The following RBM44 variants were observed in gnomAD, a reference collection of about 807,000 sequenced individuals.
RBM44 encodes RNA binding motif protein 44, also known as RNA-binding protein 44.
Under a neutral mutation model 105.1 loss-of-function variants are expected in RBM44, and 66 were observed. The ratio of observed to expected loss-of-function variants is 0.63; its 90% CI spans 0.52 to 0.77. The LOEUF (loss-of-function observed/expected upper bound fraction) is 0.77. Ranked by LOEUF, RBM44 falls within the 30% of genes least tolerant of loss-of-function variation. The pLI, the probability that RBM44 is intolerant of heterozygous loss-of-function variation, is 0.00. For missense variants in RBM44, 1,122 were observed against 1,207.8 expected, an observed-to-expected ratio of 0.93 and a Z score of 1.05; for synonymous variants, 365 against 417.6, an observed-to-expected ratio of 0.87 and a Z score of 1.54.
intron 15 of RBM44, among the ~76,000 whole-genome samples, chr2:237,840,073 T>C (rs541354703): frequency 5.5e-4 from 83 of 150,588 alleles, no homozygotes; most frequent in African/African-American, 2.0e-3. Context: ...CCTATAGTCC[T>C]AGCTACTCAG....
chr2:237,838,915 T>C (rs1427461840), intron 15 of RBM44, among the ~76,000 whole-genome samples: 1 of 152,136 alleles, frequency 6.6e-6, no homozygotes, highest in Non-Finnish European at 1.5e-5. Context: ...GCCCAAGGAT[T>C]TTACTGGGGG....
At position 237,810,993 on chromosome 2, in the gene RBM44, T is replaced by A. The variant is rs535972930; in HGVS notation, c.-18-2599T>A. On this transcript the variant is annotated intron_variant, in intron 1 of 15. Transcript: ENST00000316997. ...CATTACTGTGGTGACCTTTGAACATTGTCTATAAAGTGGCCAGGGAAGGTT... is the reference window on the plus strand; with the variant it reads ...CATTACTGTGGTGACCTTTGAACATAGTCTATAAAGTGGCCAGGGAAGGTT... Among the ~76,000 whole-genome samples, 5 of 152,146 alleles carry A rather than the reference T, an allele frequency of 3.3e-5. No individual in the cohort carries two copies. The East Asian group carries it at 9.7e-4, about 29-fold the overall frequency.
Position 237,823,465 on chromosome 2 carries a change from A to G in RBM44, c.2231A>G (p.His744Arg), listed in dbSNP as rs768301314. The G allele has an allele frequency of 7.2e-6, 11 of 1,518,870 alleles. No homozygotes were observed. The highest frequency in any genetic ancestry group is 7.2e-6 in the Non-Finnish European group (8 of 1,117,660). 94.1% of individuals were successfully genotyped at this position (1,518,870 alleles called of 1,614,324 possible). A position where few individuals can be genotyped will look rare whatever the true frequency, so the allele number is the denominator to read the frequency against. The change falls in exon 9 of 16, where the codon CAT (histidine) becomes CGT (arginine). Residue 744 changes from histidine (H) to arginine (R), a missense_variant. This residue lies in a region of RBM44 where 918 missense variants were observed against 955.3 expected (regional missense o/e 0.96). Coordinates refer to ENST00000316997, the MANE Select transcript of RBM44 (RefSeq NM_001080504.3). ...SQMSLSSDNS[H>R]ATQNISPKKD... is the part of the protein sequence containing the mutation. The stretch of plus-strand genomic sequence containing the variant: ...ATGTCTTTATCATCTGACAATAGTC[A>G]TGCTACACAAAACATATCACCCAAG...
At chr2:237,828,669 T>C (rs1382681879) in intron 12 of RBM44, among the ~76,000 whole-genome samples, 2 of 152,162 alleles carry the variant, frequency 1.3e-5, no homozygotes, top group Non-Finnish European at 2.9e-5. Flanking sequence ...GATGATTTTA[T>C]AGGAATAGCT....
chr2:237,804,192 G>A (rs2061576066), intron 1 of RBM44, among the ~76,000 whole-genome samples: 1 of 152,098 alleles, frequency 6.6e-6, no homozygotes, highest in African/African-American at 2.4e-5. Context: ...TCTTTACCTG[G>A]TCTACTATTG....
chr2:237,826,756 G>A (rs1190583192), intron 10 of RBM44, among the ~76,000 whole-genome samples: 1 of 151,914 alleles, frequency 6.6e-6, no homozygotes, highest in Non-Finnish European at 1.5e-5. Context: ...CAGACTTTTT[G>A]GGAGGCTCAT....
rs772165880 is a variant in RBM44, at chr2:237,817,881, T to C, written c.962T>C (p.Val321Ala). 1.3e-6 allele frequency: 2 copies of C among 1,599,022 alleles called. No individual in the cohort carries two copies. The highest frequency in any genetic ancestry group is 2.3e-5 in the South Asian group (2 of 88,564). ...SKSGSLSPQKVLKMKIYTENM... is the reference protein window; with the variant it reads ...SKSGSLSPQKALKMKIYTENM... The stretch of plus-strand genomic sequence containing the variant: ...AGTGGTTCCTTGAGCCCTCAAAAAG[T>C]ATTAAAAATGAAAATTTATACTGAA... Residue 321 changes from valine (V) to alanine (A), a missense_variant, in exon 3 of 16, where the codon GTA becomes GCA. Transcript: ENST00000316997.
At position 237,809,051 on chromosome 2, in the gene RBM44, ATG is replaced by A. The variant is rs2061628044; in HGVS notation, c.-18-4540_-18-4539del. 2.0e-5 allele frequency among the ~76,000 whole-genome samples: 3 copies of A among 152,226 alleles called. No individual in the cohort carries two copies. In the South Asian group the frequency reaches 6.2e-4, roughly 31 times the overall value. ...GGAAGAATTTCAATTCTCATTATAT[ATG>A]AATGTCCATTTCATGACCCTTAATA... On this transcript the variant is annotated intron_variant, in intron 1 of 15. Coordinates refer to ENST00000316997, the MANE Select transcript of RBM44 (RefSeq NM_001080504.3).
At position 237,811,591 on chromosome 2, in the gene RBM44, G is replaced by A. The variant is rs139759929; in HGVS notation, c.-18-2001G>A. 4.5e-3 allele frequency among the ~76,000 whole-genome samples: 680 copies of A among 151,592 alleles called. 3 individuals carry two copies. The highest frequency in any genetic ancestry group is 0.016 in the African/African-American group (659 of 41,300). Reference sequence around the variant, plus strand: ...AGCTACCATTTCTCTTTGCTCCATGGTTTGATAGGAATTGATATAAGATGT... The same window carrying A: ...AGCTACCATTTCTCTTTGCTCCATGATTTGATAGGAATTGATATAAGATGT... On this transcript the variant is annotated intron_variant, in intron 1 of 15. Transcript: ENST00000316997.
chr2:237,816,271 C>CA (rs2061713785), intron 2 of RBM44, among the ~76,000 whole-genome samples: 1 of 152,066 alleles, frequency 6.6e-6, no homozygotes, highest in South Asian at 2.1e-4. Context: ...TTTTTGTGTG[C>CA]TTACCTTATG....
Position 237,841,998 on chromosome 2 carries a change from G to A in RBM44, c.*182G>A, listed in dbSNP as rs1207149063. ...CCTCCTTTAAAATCTAGCAACAGTT[G>A]TCTATACAATATTAAGATCTTCTCT... is the stretch of plus-strand genomic sequence containing the variant. On this transcript the variant is annotated 3_prime_UTR_variant, in exon 16 of 16. Coordinates refer to ENST00000316997, the MANE Select transcript of RBM44 (RefSeq NM_001080504.3). This position sits in a 1 kb window ranked among gnomAD's most constrained non-coding sequence, Gnocchi z 4.5. 1 of 151,940 alleles carries A rather than the reference G, an allele frequency of 6.6e-6. No individual in the cohort carries two copies. The highest frequency in any genetic ancestry group is 1.5e-5 in the Non-Finnish European group (1 of 67,926). 9.4% of individuals were successfully genotyped at this position (151,940 alleles called of 1,614,324 possible).
chr2:237,827,318 T>C lies in RBM44; in HGVS notation c.2518T>C (p.Ser840Pro), dbSNP rs1411844841. 1 of 1,577,608 alleles carries C rather than the reference T, an allele frequency of 6.3e-7. No individual in the cohort carries two copies. Among genetic ancestry groups the C allele is most frequent in the African/African-American group, 1.3e-5 (1 of 74,406 alleles). The change falls in exon 11 of 16, where the codon TCA (serine) becomes CCA (proline). Residue 840 changes from serine (S) to proline (P), a missense_variant. This residue lies in a region of RBM44 where 10 missense variants were observed against 27.0 expected (regional missense o/e 0.37). Transcript: ENST00000316997. Reference protein sequence around the residue: ...YLIHVGGLCPSVSEADLRSHF... With the variant: ...YLIHVGGLCPPVSEADLRSHF... The stretch of plus-strand genomic sequence containing the variant: ...GATACATGTTGGTGGCCTCTGCCCT[T>C]CAGTATCTGAGGTATACCAGGATTA...
Position 237,823,552 on chromosome 2 carries a change from A to C in RBM44, c.2318A>C (p.Lys773Thr). The C allele has an allele frequency of 7.3e-7, 1 of 1,374,260 alleles. No individual in the cohort carries two copies. The highest frequency in any genetic ancestry group is 1.0e-6 in the Non-Finnish European group (1 of 986,048). The allele number at this position is 1,374,260 out of a possible 1,614,324, so 85.1% of individuals were successfully genotyped here. ...TTTAGTCAACTGAAACTTGGTGATA[A>C]AGGTTAGTATAAAAATGTGTTATCT... ...ADFSQLKLGDKDCRHYQETSE... is the reference protein window; with the variant it reads ...ADFSQLKLGDTDCRHYQETSE... The change falls in exon 9 of 16, where the codon AAA becomes ACA. Residue 773 changes from lysine to threonine, a missense_variant and splice_region_variant. Lys to Thr is a moderately conservative substitution (Grantham distance 78). Coordinates refer to ENST00000316997, the MANE Select transcript of RBM44 (RefSeq NM_001080504.3).
Position 237,811,681 on chromosome 2 carries a change from T to TA in RBM44, c.-18-1899dup, listed in dbSNP as rs1252318344. The stretch of plus-strand genomic sequence containing the variant: ...TGCTGTTCACCTGCTTCTGAGTCTT[T>TA]AAAAAAAAAAAACTTTTCCTAGAAA... On this transcript the variant is annotated intron_variant, in intron 1 of 15. Transcript: ENST00000316997. Among the ~76,000 whole-genome samples, 293 of 144,712 alleles carry TA rather than the reference T, an allele frequency of 2.0e-3. 1 individual carries two copies. The highest frequency in any genetic ancestry group is 8.5e-3 in the South Asian group (39 of 4,600). 94.9% of individuals were successfully genotyped at this position (144,712 alleles called of 152,430 possible). A position where few individuals can be genotyped will look rare whatever the true frequency, so the allele number is the denominator to read the frequency against.
chr2:237,830,568 ATT>A lies in RBM44; in HGVS notation c.2886+1067_2886+1068del, dbSNP rs368568378. Among the ~76,000 whole-genome samples, 130 of 152,094 alleles carry A rather than the reference ATT, an allele frequency of 8.5e-4. No individual in the cohort carries two copies. In the East Asian group the frequency reaches 0.023, roughly 27 times the overall value. On this transcript the variant is annotated intron_variant, in intron 13 of 15. Transcript: ENST00000316997. ...AGAGATTTTGAGTTAATTTTTATAT[ATT>A]GTTTCAGGTATTTGTTGAGGTAATT... is the stretch of plus-strand genomic sequence containing the variant.
intron 1 of RBM44, among the ~76,000 whole-genome samples, chr2:237,810,310 A>G (rs1462023824): frequency 6.6e-6 from 1 of 152,214 alleles, no homozygotes; most frequent in Non-Finnish European, 1.5e-5. Flanking sequence ...ATATCTCACA[A>G]TTAACCTGTT....
chr2:237,816,924 G>A lies in RBM44; in HGVS notation c.74-69G>A, dbSNP rs952606114. ...TTGGGAAGAGCTTAAACCAGATCAT[G>A]TCTAAGGTTTTTCTAGTGTCTAGAT... On this transcript the variant is annotated intron_variant, in intron 2 of 15. Coordinates refer to ENST00000316997, the MANE Select transcript of RBM44 (RefSeq NM_001080504.3). 5 of 969,296 alleles carry A rather than the reference G, an allele frequency of 5.2e-6. No individual in the cohort carries two copies. The African/African-American group carries it at 6.6e-5, about 13-fold the overall frequency. 60.0% of individuals were successfully genotyped at this position (969,296 alleles called of 1,614,324 possible). A position where few individuals can be genotyped will look rare whatever the true frequency, so the allele number is the denominator to read the frequency against.
chr2:237,800,247 A>C (rs2061531922), intron 1 of RBM44, among the ~76,000 whole-genome samples: 1 of 152,028 alleles, frequency 6.6e-6, no homozygotes, highest in East Asian at 1.9e-4. Flanking sequence ...GCATATTTTC[A>C]TGTGTTTATT....
At chr2:237,819,270 T>C (rs1324777487) in intron 4 of RBM44, among the ~76,000 whole-genome samples, 1 of 152,080 alleles carries the variant, frequency 6.6e-6, no homozygotes. Context: ...CAGAACAAAC[T>C]AGCACCTTTG....
Sources: gnomAD v4.1 joint callset for allele counts (sites outside exome capture counted in the v4.1 genomes callset) on GRCh38, gnomAD v4.1.1 for gene constraint, gnomAD v4.1.1 regional missense constraint, Gnocchi (gnomAD v3.1) non-coding constraint, MANE v1.5 for transcripts, NCBI Gene and HGNC (gene_info 2026-07-23, HGNC 2026-07-21) for gene names.